Variants in PCDHGA3 observed in about 807,000 individuals in gnomAD.
PCDHGA3 encodes the protein protocadherin gamma subfamily A, 3, also known as protocadherin gamma-A3.
PCDHGA3 carries 40 observed loss-of-function variants against 58.5 expected under a neutral mutation model. The ratio of observed to expected loss-of-function variants is 0.68; its 90% CI spans 0.53 to 0.89. The LOEUF (loss-of-function observed/expected upper bound fraction) is 0.89, where lower values mean the gene tolerates loss of function less well. PCDHGA3 is among the 40% of genes least tolerant of loss of function. PCDHGA3 has a pLI of 0.00. For synonymous variants in PCDHGA3, 530 were observed against 525.7 expected, an observed-to-expected ratio of 1.01 and a Z score of -0.11; for missense variants, 1,223 against 1,195.9, an observed-to-expected ratio of 1.02 and a Z score of -0.33.
intron 1 of PCDHGA3, among the ~76,000 whole-genome samples, chr5:141,401,338 A>G (rs2094142012): frequency 6.6e-6 from 1 of 152,186 alleles, no homozygotes; most frequent in Non-Finnish European, 1.5e-5. Flanking sequence ...GCAAAACTCC[A>G]TCTCAAAAAA....
rs1757488219 is a variant in PCDHGA3, at chr5:141,344,891, G to A, written c.858G>A (p.Gly286=). 2.5e-6 allele frequency: 4 copies of A among 1,613,898 alleles called. No individual in the cohort carries two copies. Among genetic ancestry groups the A allele is most frequent in the Non-Finnish European group, 2.5e-6 (3 of 1,179,850 alleles). The change falls in exon 1 of 4, where the codon GGG becomes GGA. Residue 286 remains glycine, a synonymous_variant. Transcript: ENST00000253812. ...QVSYILDKMP[G]KIAEIFHLNS... ...CTTATATTCTAGATAAAATGCCTGG[G>A]AAAATCGCTGAGATTTTCCATCTTA...
chr5:141,351,915 A>T, intron 1 of PCDHGA3: 1 of 1,613,378 alleles, frequency 6.2e-7, no homozygotes, highest in Non-Finnish European at 8.5e-7. Flanking sequence ...GGCGACCTCA[A>T]TGACAATGCG....
chr5:141,496,888 T>TAAA (rs35063790), intron 2 of PCDHGA3, among the ~76,000 whole-genome samples: 5 of 134,118 alleles, frequency 3.7e-5, no homozygotes, highest in East Asian at 4.4e-4. Context: ...AAGTAACACT[T>TAAA]AAAAAAAAAA....
In PCDHGA3 at chr5:141,511,307, G is replaced by A. The variant is rs919320754; in HGVS notation, c.*134G>A. On this transcript the variant is annotated 3_prime_UTR_variant, in exon 4 of 4. Coordinates refer to ENST00000253812, the MANE Select transcript of PCDHGA3 (RefSeq NM_018916.4). ...TAGGGGCCAAGGCCATGCTCCCCTT[G>A]GGAAACAGAAACAAGTGCCCAGTCA... 8 of 1,488,416 alleles carry A rather than the reference G, an allele frequency of 5.4e-6. No individual in the cohort carries two copies. Among genetic ancestry groups the A allele is most frequent in the Non-Finnish European group, 5.4e-6 (6 of 1,115,202 alleles). The allele number at this position is 1,488,416 out of a possible 1,614,324, so 92.2% of individuals were successfully genotyped here. A position where few individuals can be genotyped will look rare whatever the true frequency, so the allele number is the denominator to read the frequency against.
At chr5:141,502,480 AC>A (rs145333712) in intron 2 of PCDHGA3, among the ~76,000 whole-genome samples, 7,822 of 152,242 alleles carry the variant, frequency 0.051, 439 homozygotes, top group African/African-American at 0.14. Flanking sequence ...GCAGCATCAC[AC>A]TGGGACTCAT....
intron 1 of PCDHGA3, chr5:141,422,041 G>A (rs371079504): frequency 2.1e-5 from 34 of 1,611,632 alleles, no homozygotes; most frequent in Non-Finnish European, 2.9e-5. Flanking sequence ...GGATCCAGAC[G>A]AGGGAATCAA....
chr5:141,510,141 T>C (rs1596266322), intron 3 of PCDHGA3, among the ~76,000 whole-genome samples: 1 of 152,014 alleles, frequency 6.6e-6, no homozygotes. Flanking sequence ...GGGCTAGTGG[T>C]GTGCACCTGT....
chr5:141,427,994 C>T, intron 1 of PCDHGA3: 1 of 1,599,396 alleles, frequency 6.3e-7, no homozygotes, highest in Non-Finnish European at 8.6e-7. Flanking sequence ...CCGATGGCTC[C>T]GCACTCTTCG....
intron 1 of PCDHGA3, chr5:141,389,415 G>A (rs915246049): frequency 1.9e-6 from 3 of 1,613,598 alleles, no homozygotes; most frequent in Non-Finnish European, 2.5e-6. Context: ...GGAGAGCGGG[G>A]TGGTGTTCGC....
intron 3 of PCDHGA3, 77 bp downstream of exon 3, chr5:141,505,558 C>T (rs945428797): frequency 3.7e-6 from 6 of 1,605,016 alleles, no homozygotes; most frequent in African/African-American, 1.3e-5. Context: ...ACCATGCCCA[C>T]GGACTGGATG....
At chr5:141,419,554 T>C (rs775925543) in intron 1 of PCDHGA3, 1 of 1,612,006 alleles carries the variant, frequency 6.2e-7, no homozygotes, top group Non-Finnish European at 8.5e-7. Flanking sequence ...TGCTGTACCC[T>C]GCGCTGGGTC....
intron 1 of PCDHGA3, chr5:141,441,337 T>A (rs980210130): frequency 6.6e-6 from 1 of 152,112 alleles, no homozygotes; most frequent in African/African-American, 2.4e-5. Flanking sequence ...CTCCAATAAT[T>A]AACTACATGC....
intron 1 of PCDHGA3, chr5:141,379,423 A>G (rs1261037274): frequency 3.3e-5 from 5 of 152,260 alleles, no homozygotes. Context: ...CTCATGAGTT[A>G]GATGGGCTGT....
At chr5:141,414,691 T>A (rs2095777481) in intron 1 of PCDHGA3, 1 of 1,613,848 alleles carries the variant, frequency 6.2e-7, no homozygotes, top group African/African-American at 1.3e-5. Context: ...GGTACCTCTG[T>A]CCTCATACAT....
chr5:141,487,004 C>G lies in PCDHGA3; in HGVS notation c.2425-7803C>G. 1 of 1,614,224 alleles carries G rather than the reference C, an allele frequency of 6.2e-7. No homozygotes were observed. The highest frequency in any genetic ancestry group is 1.1e-5 in the South Asian group (1 of 91,086). On this transcript the variant is annotated intron_variant, in intron 1 of 3. Transcript: ENST00000253812. This position sits in a 1 kb window ranked among gnomAD's most constrained non-coding sequence, Gnocchi z 5.0. ...CAATGCTTGGGTTTCCTATCAGCTC[C>G]TGGAGGCCCCAGATCCCAGCCTGTT...
chr5:141,355,518 G>A (rs775064771), intron 1 of PCDHGA3: 5 of 1,613,932 alleles, frequency 3.1e-6, no homozygotes, highest in Non-Finnish European at 4.2e-6. Flanking sequence ...TGACAAACCT[G>A]GAGATTCTTC....
Position 141,399,283 on chromosome 5 carries a change from G to T in PCDHGA3, c.2424+52826G>T, listed in dbSNP as rs533695738. ...GGTTAATTGTCAATTACAAGGCGAA[G>T]TCCCTTTTAAGATTATCTCTTCATC... On this transcript the variant is annotated intron_variant, in intron 1 of 3. Coordinates refer to ENST00000253812, the MANE Select transcript of PCDHGA3 (RefSeq NM_018916.4). The T allele has an allele frequency of 5.0e-6, 8 of 1,613,888 alleles. No individual in the cohort carries two copies. The South Asian group carries it at 7.7e-5, about 16-fold the overall frequency.
intron 1 of PCDHGA3, chr5:141,412,735 T>A (rs2095573578): frequency 6.5e-6 from 1 of 153,492 alleles, no homozygotes; most frequent in African/African-American, 2.4e-5. Context: ...GTGTTGCAAA[T>A]ATATATTTAA....
At chr5:141,509,354 A>G (rs1229726913) in intron 3 of PCDHGA3, among the ~76,000 whole-genome samples, 2 of 152,144 alleles carry the variant, frequency 1.3e-5, no homozygotes, top group Non-Finnish European at 2.9e-5. Context: ...TGGCCTGGGC[A>G]TCCCTGAGGT....
Sources: allele counts gnomAD v4.1 joint callset (sites outside exome capture counted in the v4.1 genomes callset), GRCh38; gene constraint gnomAD v4.1.1; non-coding constraint Gnocchi (gnomAD v3.1); transcripts MANE v1.5; gene names NCBI Gene and HGNC (gene_info 2026-07-23, HGNC 2026-07-21).